Variants in MICU1 observed in about 807,000 individuals in gnomAD.
MICU1 encodes calcium uptake protein 1, mitochondrial.
In MICU1, 45 loss-of-function variants were observed where a neutral mutation model predicts 56.8. The ratio of observed to expected loss-of-function variants is 0.79; its 90% CI spans 0.62 to 1.02. The LOEUF (loss-of-function observed/expected upper bound fraction) is 1.02. Among genes scored for constraint, MICU1 ranks in the 50% least tolerant of loss-of-function variants. The probability of loss-of-function intolerance (pLI) is 0.00; values close to 1 mark genes in which losing one functional copy is unlikely to be tolerated. For missense variants in MICU1, 504 were observed against 587.1 expected (o/e 0.86, Z 1.46); for synonymous variants, 186 against 195.1 (o/e 0.95, Z 0.39).
intron 11 of MICU1, among the ~76,000 whole-genome samples, chr10:72,370,269 G>C (rs16929787): frequency 0.023 from 3,522 of 152,224 alleles, 128 homozygotes; most frequent in East Asian, 0.1. Context: ...AAGACACCCA[G>C]GGGCCTGTTG....
chr10:72,464,648 C>T (rs373468922), intron 8 of MICU1, among the ~76,000 whole-genome samples: 9 of 152,096 alleles, frequency 5.9e-5, no homozygotes, highest in East Asian at 3.9e-4. Flanking sequence ...ATGCACTCTA[C>T]GATGTTTGCA....
chr10:72,480,947 A>G (rs992613730), intron 6 of MICU1, among the ~76,000 whole-genome samples: 4 of 152,216 alleles, frequency 2.6e-5, no homozygotes, highest in African/African-American at 9.6e-5. Flanking sequence ...CTGTCTTTTT[A>G]TCCTGGTATA....
chr10:72,611,579 A>G (rs1409413973), intron 1 of MICU1, among the ~76,000 whole-genome samples: 5 of 152,048 alleles, frequency 3.3e-5, no homozygotes, highest in Non-Finnish European at 7.4e-5. Context: ...CCATCTCAAA[A>G]AAAAGAAAAA....
chr10:72,557,141 G>A (rs1439712269), intron 3 of MICU1, among the ~76,000 whole-genome samples: 2 of 152,034 alleles, frequency 1.3e-5, no homozygotes, highest in African/African-American at 2.4e-5. Context: ...ATTAGTTAGG[G>A]TAGGTTAAAA....
intron 5 of MICU1, among the ~76,000 whole-genome samples, chr10:72,513,578 TTATTA>T (rs994661999): frequency 1.3e-5 from 2 of 152,220 alleles, no homozygotes; most frequent in African/African-American, 4.8e-5. Context: ...TTTATCTATT[TTATTA>T]TTTGTGCTTT....
intron 2 of MICU1, among the ~76,000 whole-genome samples, chr10:72,564,104 A>G (rs1840366281): frequency 2.0e-5 from 3 of 152,354 alleles, no homozygotes; most frequent in African/African-American, 7.2e-5. Context: ...CTGATGAAAT[A>G]CAAAAAGAAG....
chr10:72,467,212 C>A (rs1865821459), intron 8 of MICU1, among the ~76,000 whole-genome samples: 1 of 152,044 alleles, frequency 6.6e-6, no homozygotes, highest in African/African-American at 2.4e-5. Flanking sequence ...GAGACAGAGT[C>A]TTGCCCTGTT....
intron 6 of MICU1, among the ~76,000 whole-genome samples, chr10:72,506,083 A>G (rs1432807685): frequency 6.6e-6 from 1 of 152,064 alleles, no homozygotes; most frequent in East Asian, 1.9e-4. Flanking sequence ...ATAGAAAGTA[A>G]CTTACAAAGT....
At chr10:72,579,208 C>A (rs563196746) in intron 1 of MICU1, among the ~76,000 whole-genome samples, 3 of 152,014 alleles carry the variant, frequency 2.0e-5, no homozygotes, top group African/African-American at 7.3e-5. Flanking sequence ...TGACAATACA[C>A]CTTATACTGG....
At chr10:72,590,991 C>T (rs748427311) in intron 1 of MICU1, among the ~76,000 whole-genome samples, 1 of 151,770 alleles carries the variant, frequency 6.6e-6, no homozygotes, top group Non-Finnish European at 1.5e-5. Flanking sequence ...AAAAGTTAGG[C>T]CACAAATTAA....
intron 8 of MICU1, among the ~76,000 whole-genome samples, chr10:72,469,339 C>T (rs970438948): frequency 6.6e-6 from 1 of 152,068 alleles, no homozygotes; most frequent in African/African-American, 2.4e-5. Flanking sequence ...TGAAATGAAG[C>T]TAGTGAGAGA....
chr10:72,515,804 G>A (rs1342432710), intron 5 of MICU1, among the ~76,000 whole-genome samples: 1 of 152,092 alleles, frequency 6.6e-6, no homozygotes, highest in Non-Finnish European at 1.5e-5. Flanking sequence ...ATCAAGATAT[G>A]GAACATTTCC....
At chr10:72,593,309 A>G (rs1470619215) in intron 1 of MICU1, among the ~76,000 whole-genome samples, 2 of 152,066 alleles carry the variant, frequency 1.3e-5, no homozygotes, top group Non-Finnish European at 2.9e-5. Context: ...CAATAAAGAA[A>G]CAAAAAGCAG....
chr10:72,412,230 A>G (rs1209129348), intron 9 of MICU1, among the ~76,000 whole-genome samples: 1 of 152,236 alleles, frequency 6.6e-6, no homozygotes, highest in Non-Finnish European at 1.5e-5. Flanking sequence ...AGATGGAAAG[A>G]GAAAGGATAT....
intron 1 of MICU1, among the ~76,000 whole-genome samples, chr10:72,620,514 T>C (rs1429994115): frequency 6.6e-6 from 1 of 152,182 alleles, no homozygotes; most frequent in African/African-American, 2.4e-5. Context: ...ATAAGCAACA[T>C]TAAATCACTT....
chr10:72,397,861 C>G (rs555989090), intron 10 of MICU1, among the ~76,000 whole-genome samples: 1 of 152,072 alleles, frequency 6.6e-6, no homozygotes, highest in Non-Finnish European at 1.5e-5. Context: ...ACTGTCAATA[C>G]TAGACAGATC....
chr10:72,483,523 C>T (rs1866370842), intron 6 of MICU1: 1 of 152,756 alleles, frequency 6.5e-6, no homozygotes, highest in African/African-American at 2.4e-5. Context: ...AGATCAACCA[C>T]ATTATCCAGA....
intron 10 of MICU1, chr10:72,392,127 T>A (rs7081900): frequency 6.6e-6 from 1 of 151,966 alleles, no homozygotes; most frequent in Admixed American, 6.6e-5. Context: ...AGGTTATATA[T>A]AAAAATACTA....
rs527513074 is a variant in MICU1 at position 72,386,370 on chromosome 10, C to T, written c.1181-10498G>A. Among the ~76,000 whole-genome samples, 18 of 152,134 alleles carry T rather than the reference C, an allele frequency of 1.2e-4. No homozygotes were observed. In the East Asian group the frequency reaches 1.7e-3, roughly 15 times the overall value. On this transcript the variant is annotated intron_variant, in intron 10 of 11. Transcript: ENST00000361114. Reference sequence around the variant, plus strand: ...CTAATTTTTGTATTTTTAGTAGAGACGGGGTTTCCCCATGTTGGCCAGGCT... The same window carrying T: ...CTAATTTTTGTATTTTTAGTAGAGATGGGGTTTCCCCATGTTGGCCAGGCT...
Sources: gnomAD v4.1 joint callset for allele counts (sites outside exome capture counted in the v4.1 genomes callset) on GRCh38, gnomAD v4.1.1 for gene constraint, MANE v1.5 for transcripts, NCBI Gene and HGNC (gene_info 2026-07-23, HGNC 2026-07-21) for gene names.